The following XRCC4 variants were observed in gnomAD, a reference collection of about 807,000 sequenced individuals.
XRCC4 encodes DNA repair protein XRCC4.
Under a neutral mutation model 39.1 loss-of-function variants are expected in XRCC4, and 28 were observed. The observed-to-expected ratio is 0.72, with a 90% CI of 0.53 to 0.98. XRCC4 has a LOEUF of 0.98. Among genes scored for constraint, XRCC4 ranks in the 50% least tolerant of loss-of-function variants. The pLI, the probability that XRCC4 is intolerant of heterozygous loss-of-function variation, is 0.00. For synonymous variants in XRCC4, 123 were observed against 126.4 expected, an observed-to-expected ratio of 0.97 and a Z score of 0.18; for missense variants, 350 against 376.4, an observed-to-expected ratio of 0.93 and a Z score of 0.58.
chr5:83,137,134 T>A (rs1444859872), intron 3 of XRCC4, among the ~76,000 whole-genome samples: 1 of 152,170 alleles, frequency 6.6e-6, no homozygotes, highest in Non-Finnish European at 1.5e-5. Context: ...TTGAAAAAAT[T>A]AACAGAATCT....
intron 7 of XRCC4, among the ~76,000 whole-genome samples, chr5:83,325,259 GTTA>G (rs1756212585): frequency 6.6e-6 from 1 of 151,808 alleles, no homozygotes; most frequent in Non-Finnish European, 1.5e-5. Flanking sequence ...ATTTTATTTT[GTTA>G]TTATTCATAA....
intron 7 of XRCC4, among the ~76,000 whole-genome samples, chr5:83,331,625 C>T (rs1318730737): frequency 2.0e-5 from 3 of 152,032 alleles, no homozygotes; most frequent in East Asian, 1.9e-4. Flanking sequence ...ATCGAGCTCA[C>T]ATTCTGAGGT....
In XRCC4 at chr5:83,203,647, G is replaced by C; in HGVS notation, c.578G>C (p.Ser193Thr). ...AATGAGAAGAAAACAAAAATCAGAAGTTTGCATAATAAATTATTAAATGCA... is the reference window on the plus strand; with the variant it reads ...AATGAGAAGAAAACAAAAATCAGAACTTTGCATAATAAATTATTAAATGCA... Reference protein sequence around the residue: ...VLNEKKTKIRSLHNKLLNAAQ... With the variant: ...VLNEKKTKIRTLHNKLLNAAQ... Residue 193 changes from serine (S) to threonine (T), a missense_variant, in exon 5 of 8, where the codon AGT becomes ACT. Transcript: ENST00000396027. 1.9e-6 allele frequency: 3 copies of C among 1,611,602 alleles called. No individual in the cohort carries two copies.
chr5:83,241,520 C>T (rs1389309933), intron 6 of XRCC4, among the ~76,000 whole-genome samples: 11 of 152,166 alleles, frequency 7.2e-5, no homozygotes, highest in Admixed American at 6.5e-4. Context: ...AAAAGTCCAC[C>T]TTTCAAAAGT....
chr5:83,195,651 C>T (rs774309238), intron 3 of XRCC4, 119 bp from the exon 4 acceptor site: 166 of 938,844 alleles, frequency 1.8e-4, no homozygotes, highest in Non-Finnish European at 2.4e-4. Flanking sequence ...CTTGTAAATG[C>T]ATTGTATTTA....
intron 1 of XRCC4, among the ~76,000 whole-genome samples, chr5:83,095,089 T>C (rs1263645688): frequency 2.0e-5 from 3 of 152,136 alleles, no homozygotes; most frequent in African/African-American, 7.2e-5. Context: ...AACTTTACTA[T>C]TTATTCTAGC....
At chr5:83,182,018 A>G (rs1580338667) in intron 3 of XRCC4, among the ~76,000 whole-genome samples, 1 of 151,988 alleles carries the variant, frequency 6.6e-6, no homozygotes, top group East Asian at 2.0e-4. Context: ...TGATAGATAT[A>G]TGTTAAAATA....
intron 3 of XRCC4, among the ~76,000 whole-genome samples, chr5:83,127,367 A>C (rs1747321063): frequency 6.6e-6 from 1 of 152,090 alleles, no homozygotes; most frequent in South Asian, 2.1e-4. Context: ...TTATGGGGGC[A>C]GTTTCCCACA....
In XRCC4 at chr5:83,153,533, T is replaced by C. The variant is rs146093213; in HGVS notation, c.316-42237T>C. ...TGAACAGCCATTTCACCAAGGATGA[T>C]ATATAGGTGGCAGATAAGCACATTG... On this transcript the variant is annotated intron_variant, in intron 3 of 7. Coordinates refer to ENST00000396027, the MANE Select transcript of XRCC4 (RefSeq NM_003401.5). 2.0e-5 allele frequency among the ~76,000 whole-genome samples: 3 copies of C among 152,284 alleles called. No individual in the cohort carries two copies. In the East Asian group the frequency reaches 5.8e-4, roughly 29 times the overall value.
rs114296275 is a variant in XRCC4, at chr5:83,124,305, A to G, written c.315+13102A>G. 2.8e-3 allele frequency among the ~76,000 whole-genome samples: 427 copies of G among 152,302 alleles called. 2 individuals carry two copies. The highest frequency in any genetic ancestry group is 9.8e-3 in the African/African-American group (407 of 41,568). ...CTATCCATCCAATATAATCCCTGGT[A>G]GCCACCGATCTGTTTGTCACTGTAG... On this transcript the variant is annotated intron_variant, in intron 3 of 7. Coordinates refer to ENST00000396027, the MANE Select transcript of XRCC4 (RefSeq NM_003401.5).
intron 7 of XRCC4, among the ~76,000 whole-genome samples, chr5:83,311,480 T>C (rs371629551): frequency 6.6e-6 from 1 of 152,168 alleles, no homozygotes; most frequent in South Asian, 2.1e-4. Flanking sequence ...ACCCAAAATA[T>C]ATACATCTAT....
At chr5:83,348,054 C>T (rs543151723) in intron 7 of XRCC4, among the ~76,000 whole-genome samples, 9 of 152,310 alleles carry the variant, frequency 5.9e-5, no homozygotes, top group Admixed American at 3.9e-4. Context: ...GGGTAGACTC[C>T]TAAGTCCTTG....
intron 7 of XRCC4, among the ~76,000 whole-genome samples, chr5:83,337,745 A>G (rs967924448): frequency 1.3e-5 from 2 of 152,178 alleles, no homozygotes; most frequent in Non-Finnish European, 2.9e-5. Context: ...TTATGCCACT[A>G]AGTTTGGAGT....
chr5:83,192,566 C>T (rs1001884358), intron 3 of XRCC4, among the ~76,000 whole-genome samples: 8 of 151,974 alleles, frequency 5.3e-5, no homozygotes, highest in African/African-American at 1.9e-4. Context: ...CCACCTCGGC[C>T]TCCCAAAGTG....
At chr5:83,157,909 T>G (rs1252654886) in intron 3 of XRCC4, among the ~76,000 whole-genome samples, 1 of 152,152 alleles carries the variant, frequency 6.6e-6, no homozygotes, top group Non-Finnish European at 1.5e-5. Context: ...AAAAATACTT[T>G]GGTTATTCAG....
intron 7 of XRCC4, among the ~76,000 whole-genome samples, chr5:83,303,668 T>C (rs902404958): frequency 5.3e-5 from 8 of 152,154 alleles, no homozygotes; most frequent in African/African-American, 1.9e-4. Context: ...AAATACTGTA[T>C]AATGTAGTAA....
chr5:83,362,387 A>G, the XRCC4 span, among the ~76,000 whole-genome samples: 4 of 151,724 alleles, frequency 2.6e-5, no homozygotes, highest in African/African-American at 7.3e-5. Flanking sequence ...CCCAAAAGAT[A>G]AAATTGGAAT....
chr5:83,353,716 A>G lies in XRCC4; in HGVS notation c.*474A>G, dbSNP rs985863836. 1.3e-5 allele frequency: 2 copies of G among 152,246 alleles called. No individual in the cohort carries two copies. The allele number at this position is 152,246 out of a possible 1,614,324, so 9.4% of individuals were successfully genotyped here. A position where few individuals can be genotyped will look rare whatever the true frequency, so the allele number is the denominator to read the frequency against. On this transcript the variant is annotated 3_prime_UTR_variant, in exon 8 of 8. Coordinates refer to ENST00000396027, the MANE Select transcript of XRCC4 (RefSeq NM_003401.5). ...TAGAAAATATAATTTTAGTTTGTAC[A>G]TAAACATTGTGAAAATCTGATAATA...
chr5:83,079,435 G>T (rs1744833716), intron 1 of XRCC4, among the ~76,000 whole-genome samples: 1 of 152,026 alleles, frequency 6.6e-6, no homozygotes, highest in African/African-American at 2.4e-5. Context: ...AATCTTTCTG[G>T]CAGCTTTGCA....
Sources: gnomAD v4.1 joint callset for allele counts (sites outside exome capture counted in the v4.1 genomes callset) on GRCh38, gnomAD v4.1.1 for gene constraint, MANE v1.5 for transcripts, NCBI Gene and HGNC (gene_info 2026-07-23, HGNC 2026-07-21) for gene names.